TIAM2: variants seen among roughly 807,000 people sequenced by gnomAD.
The protein encoded by TIAM2 is TIAM Rac1 associated GEF 2.
A neutral mutation model predicts 152.9 loss-of-function variants in TIAM2; 80 were observed. The ratio of observed to expected loss-of-function variants is 0.52; its 90% CI spans 0.44 to 0.63. TIAM2 has a LOEUF of 0.63. Among genes scored for constraint, TIAM2 ranks in the 30% least tolerant of loss-of-function variants. TIAM2 has a pLI of 0.00. For missense variants in TIAM2, 1,965 were observed against 2,120.1 expected (o/e 0.93, Z 1.44); for synonymous variants, 804 against 838.0 (o/e 0.96, Z 0.70).
In TIAM2 at chr6:155,256,696, C is replaced by T. The variant is rs1404734005; in HGVS notation, c.4681C>T (p.Leu1561Phe). ...CGGCTTGGCAGATTTTGCCGACAAT[C>T]TCATCAAAGAGAGTGACATCCTGAG... ...HPGLADFADN[L>F]IKESDILSDE... is the part of the protein sequence containing the mutation. Residue 1561 changes from leucine (L) to phenylalanine (F), a missense_variant, in exon 27 of 27, where the codon CTC (leucine) becomes TTC (phenylalanine). Transcript: ENST00000682666. 1.2e-6 allele frequency: 2 copies of T among 1,614,098 alleles called. No individual in the cohort carries two copies. The highest frequency in any genetic ancestry group is 1.3e-5 in the African/African-American group (1 of 74,932).
chr6:155,007,440 A>G (rs1164887253), intron 1 of TIAM2, among the ~76,000 whole-genome samples: 1 of 150,212 alleles, frequency 6.7e-6, no homozygotes, highest in African/African-American at 2.5e-5. Context: ...GCTGGAGTAC[A>G]GTGGCACAAT....
intron 1 of TIAM2, among the ~76,000 whole-genome samples, chr6:155,044,174 A>T (rs943599943): frequency 6.6e-6 from 1 of 152,158 alleles, no homozygotes; most frequent in African/African-American, 2.4e-5. Context: ...AGCCAGTGAA[A>T]GTTTCACTGT....
Position 155,243,990 on chromosome 6 carries a change from C to T in TIAM2, c.3349-21C>T, listed in dbSNP as rs772252241. ...TTTGGAGACTAAAGCGTTGAAGACACTTTCTTCTATTTTCTTTCAGGATTT... is the reference window on the plus strand; with the variant it reads ...TTTGGAGACTAAAGCGTTGAAGACATTTTCTTCTATTTTCTTTCAGGATTT... On this transcript the variant is annotated intron_variant, in intron 16 of 26. Coordinates refer to ENST00000682666, the MANE Select transcript of TIAM2 (RefSeq NM_012454.4). 2.5e-6 allele frequency: 4 copies of T among 1,609,720 alleles called. No individual in the cohort carries two copies. In the African/African-American group the frequency reaches 4.0e-5, roughly 16 times the overall value.
At chr6:155,017,203 T>G (rs1778606713) in intron 1 of TIAM2, among the ~76,000 whole-genome samples, 1 of 152,126 alleles carries the variant, frequency 6.6e-6, no homozygotes, top group Non-Finnish European at 1.5e-5. Flanking sequence ...ATGATGGGAC[T>G]TTGGCAGTTT....
chr6:155,089,699 T>G (rs1412037975), intron 1 of TIAM2, among the ~76,000 whole-genome samples: 2 of 152,166 alleles, frequency 1.3e-5, no homozygotes. Flanking sequence ...ATTCCTAATC[T>G]TCCAATTTAA....
intron 1 of TIAM2, among the ~76,000 whole-genome samples, chr6:155,031,970 C>G (rs1007001320): frequency 6.6e-6 from 1 of 152,116 alleles, no homozygotes; most frequent in Non-Finnish European, 1.5e-5. Flanking sequence ...AGATGTATAT[C>G]AACTGCGACT....
At chr6:155,144,886 G>A in intron 6 of TIAM2, 108 bp downstream of exon 6, 1 of 1,328,424 alleles carries the variant, frequency 7.5e-7, no homozygotes, top group Non-Finnish European at 1.0e-6. Context: ...ACTTAGTTAG[G>A]CTTTGGATTT....
intron 1 of TIAM2, chr6:155,016,487 TA>T (rs1778585544): frequency 8.1e-6 from 1 of 122,704 alleles, no homozygotes; most frequent in Non-Finnish European, 1.9e-5. Flanking sequence ...TATTTAAATT[TA>T]AATGTAAATG....
chr6:155,172,109 G>GTAATAA (rs138202805), intron 9 of TIAM2, among the ~76,000 whole-genome samples: 1 of 151,982 alleles, frequency 6.6e-6, no homozygotes, highest in African/African-American at 2.4e-5. Flanking sequence ...GACCATTGAT[G>GTAATAA]TAATAATAAT....
At chr6:155,000,817 C>T (rs1037810370) in intron 1 of TIAM2, among the ~76,000 whole-genome samples, 2 of 152,098 alleles carry the variant, frequency 1.3e-5, no homozygotes, top group African/African-American at 4.8e-5. Context: ...AACCCTGTCT[C>T]TACTAAAAAT....
chr6:155,049,743 A>G (rs1232100663), intron 1 of TIAM2, among the ~76,000 whole-genome samples: 1 of 152,190 alleles, frequency 6.6e-6, no homozygotes, highest in Non-Finnish European at 1.5e-5. Context: ...AGTTGACTTC[A>G]GGGCAAGGAA....
intron 13 of TIAM2, 83 bp downstream of exon 13, chr6:155,182,401 A>G: frequency 1.6e-6 from 2 of 1,217,698 alleles, no homozygotes; most frequent in East Asian, 2.4e-5. Context: ...TTCTTCTTAC[A>G]GTTTTGTCAG....
intron 1 of TIAM2, among the ~76,000 whole-genome samples, chr6:155,003,843 T>C (rs1021822363): frequency 6.6e-6 from 1 of 152,118 alleles, no homozygotes; most frequent in Non-Finnish European, 1.5e-5. Context: ...TAGCTGGGTG[T>C]AGTGGCAGCT....
intron 1 of TIAM2, among the ~76,000 whole-genome samples, chr6:155,070,489 T>G (rs1777816700): frequency 6.6e-6 from 1 of 152,096 alleles, no homozygotes. Context: ...AGGGCTGGGA[T>G]TACAGGCATG....
At chr6:155,241,034 C>G (rs912799655) in intron 16 of TIAM2, among the ~76,000 whole-genome samples, 2 of 152,188 alleles carry the variant, frequency 1.3e-5, no homozygotes, top group African/African-American at 4.8e-5. Flanking sequence ...AGAGAGATCA[C>G]TTTAGGTGAT....
chr6:155,072,127 G>T (rs563729961), intron 1 of TIAM2, among the ~76,000 whole-genome samples: 7 of 151,788 alleles, frequency 4.6e-5, no homozygotes, highest in African/African-American at 1.5e-4. Flanking sequence ...GGGAGGACAG[G>T]AGCTGGAAAG....
chr6:155,243,869 AAAAAAAAAG>A, intron 16 of TIAM2, 133 bp from the exon 17 acceptor site: 2 of 582,276 alleles, frequency 3.4e-6, no homozygotes, highest in Non-Finnish European at 6.0e-6. Context: ...AAAAAAAAAA[AAAAAAAAAG>A]AATTTCAACA....
intron 6 of TIAM2, among the ~76,000 whole-genome samples, chr6:155,146,677 C>T (rs1034072515): frequency 6.6e-6 from 1 of 151,914 alleles, no homozygotes; most frequent in Non-Finnish European, 1.5e-5. Flanking sequence ...CTCACTGCAA[C>T]CTCTGCCTCC....
At chr6:155,024,023 C>A (rs1316115331) in intron 1 of TIAM2, among the ~76,000 whole-genome samples, 2 of 152,154 alleles carry the variant, frequency 1.3e-5, no homozygotes, top group African/African-American at 4.8e-5. Flanking sequence ...CTGCATGCGG[C>A]TCTCCAGGAC....
Sources: gnomAD v4.1 joint callset for allele counts (sites outside exome capture counted in the v4.1 genomes callset) on GRCh38, gnomAD v4.1.1 for gene constraint, MANE v1.5 for transcripts, NCBI Gene and HGNC (gene_info 2026-07-23, HGNC 2026-07-21) for gene names.